POC5: variants seen among roughly 807,000 people sequenced by gnomAD.
POC5 encodes the protein centrosomal protein POC5.
Under a neutral mutation model 62.9 loss-of-function variants are expected in POC5, and 48 were observed. The ratio of observed to expected loss-of-function variants is 0.76; its 90% CI spans 0.61 to 0.97. POC5 has a LOEUF of 0.97. POC5 is among the 50% of genes least tolerant of loss of function. The pLI is 0.00. For synonymous variants in POC5, 236 were observed against 228.2 expected (o/e 1.03, Z -0.31); for missense variants, 696 against 679.5 (o/e 1.02, Z -0.27).
intron 10 of POC5, among the ~76,000 whole-genome samples, chr5:75,682,781 C>T (rs1246418959): frequency 6.6e-6 from 1 of 152,184 alleles, no homozygotes; most frequent in Non-Finnish European, 1.5e-5. Context: ...TCCCAGAGTG[C>T]TGGGATTACA....
chr5:75,674,526 T>G lies in POC5; in HGVS notation c.1637A>C (p.Glu546Ala). The part of the protein sequence containing the change: ...AAKYPRTIHP[E>A]SSTSASRSLG... The stretch of plus-strand genomic sequence containing the variant: ...TGATCTGGAAGCTGAGGTACTACTT[T>G]CAGGATGAATGGTCCGGGGATATTT... Residue 546 changes from glutamate to alanine, a missense_variant, in exon 12 of 12, where the codon GAA becomes GCA. By Grantham distance (107) the Glu-to-Ala change is moderately radical (BLOSUM62 -1). Transcript: ENST00000428202. The G allele has an allele frequency of 6.2e-7, 1 of 1,614,008 alleles. No individual in the cohort carries two copies.
chr5:75,704,135 T>TA (rs1777020678), intron 4 of POC5, among the ~76,000 whole-genome samples: 1 of 138,768 alleles, frequency 7.2e-6, no homozygotes, highest in Non-Finnish European at 1.5e-5. Flanking sequence ...GCCTGGGTGA[T>TA]AGAGCGAGAC....
chr5:75,702,454 A>G (rs1351757918), intron 5 of POC5, 151 bp downstream of exon 5: 4 of 739,256 alleles, frequency 5.4e-6, no homozygotes, highest in Non-Finnish European at 8.6e-6. Context: ...TACATTAAAG[A>G]TTGAGAAGCA....
At chr5:75,688,316 G>A (rs763413942) in intron 9 of POC5, among the ~76,000 whole-genome samples, 27 of 152,210 alleles carry the variant, frequency 1.8e-4, no homozygotes, top group Non-Finnish European at 3.2e-4. Context: ...CCCACAAGAA[G>A]CCCCTAGGAA....
chr5:75,699,794 G>C (rs1038156995), intron 5 of POC5, among the ~76,000 whole-genome samples: 3 of 140,436 alleles, frequency 2.1e-5, no homozygotes, highest in African/African-American at 5.1e-5. Context: ...GTTTGCAGAC[G>C]ACATGATTGT....
In POC5 at chr5:75,674,525, T is replaced by C. The variant is rs749302280; in HGVS notation, c.1638A>G (p.Glu546=). 6.2e-7 allele frequency: 1 copy of C among 1,614,010 alleles called. No homozygotes were observed. Among genetic ancestry groups the C allele is most frequent in the Non-Finnish European group, 8.5e-7 (1 of 1,179,866 alleles). The part of the protein sequence containing the change: ...AAKYPRTIHP[E]SSTSASRSLG... ...GTGATCTGGAAGCTGAGGTACTACT[T>C]TCAGGATGAATGGTCCGGGGATATT... Residue 546 remains glutamate (E), a synonymous_variant, in exon 12 of 12, where the codon GAA becomes GAG. Transcript: ENST00000428202.
At chr5:75,708,915 C>T (rs1425440078) in intron 2 of POC5, among the ~76,000 whole-genome samples, 2 of 152,136 alleles carry the variant, frequency 1.3e-5, no homozygotes, top group African/African-American at 2.4e-5. Context: ...TCACCGCAAC[C>T]TCTGCCTCCC....
intron 2 of POC5, among the ~76,000 whole-genome samples, 183 bp from the exon 3 acceptor site, chr5:75,708,058 A>G (rs564301901): frequency 6.6e-6 from 1 of 152,314 alleles, no homozygotes; most frequent in East Asian, 1.9e-4. Context: ...TTTTATATTT[A>G]TGATTAACAG....
chr5:75,711,132 T>C (rs1777328122), intron 2 of POC5, among the ~76,000 whole-genome samples: 1 of 152,250 alleles, frequency 6.6e-6, no homozygotes, highest in Non-Finnish European at 1.5e-5. Context: ...ATGACTATTT[T>C]AGAGTTTCAT....
Position 75,689,483 on chromosome 5 carries a change from G to T in POC5, c.976-318C>A, listed in dbSNP as rs1776229024. ...TTACTGTAAAACTTTTATGTAGGATGTTAAACAAAATACATTAAGAGCCAC... is the reference window on the plus strand; with the variant it reads ...TTACTGTAAAACTTTTATGTAGGATTTTAAACAAAATACATTAAGAGCCAC... On this transcript the variant is annotated intron_variant, in intron 8 of 11. Transcript: ENST00000428202. 3.1e-6 allele frequency: 3 copies of T among 983,546 alleles called. No homozygotes were observed. The African/African-American group carries it at 5.2e-5, about 17-fold the overall frequency. The allele number at this position is 983,546 out of a possible 1,614,324, so 60.9% of individuals were successfully genotyped here.
At chr5:75,714,145 T>A (rs972291537) in intron 1 of POC5, among the ~76,000 whole-genome samples, 1 of 152,228 alleles carries the variant, frequency 6.6e-6, no homozygotes. Flanking sequence ...TTTGGGAGGC[T>A]GAGGTAGGTG....
chr5:75,690,522 G>A lies in POC5; in HGVS notation c.836C>T (p.Thr279Ile), dbSNP rs754231095. 8 of 1,599,872 alleles carry A rather than the reference G, an allele frequency of 5.0e-6. No homozygotes were observed. Among genetic ancestry groups the A allele is most frequent in the Admixed American group, 1.7e-5 (1 of 58,150 alleles). Residue 279 changes from threonine to isoleucine, a missense_variant, in exon 8 of 12, where the codon ACT (threonine) becomes ATT (isoleucine). Transcript: ENST00000428202. ...GKLADQYYQR[T>I]LLKKVWKVWR... Reference sequence around the variant, plus strand: ...GACTTTCCAGACTTTCTTCAGTAAAGTTCTCTGGTAGTACTGGTCAGCTAG... The same window carrying A: ...GACTTTCCAGACTTTCTTCAGTAAAATTCTCTGGTAGTACTGGTCAGCTAG...
In POC5 at chr5:75,684,363, A is replaced by ATTTTT. The variant is rs749361349; in HGVS notation, c.1407+839_1407+843dup. On this transcript the variant is annotated intron_variant, in intron 10 of 11. Transcript: ENST00000428202. Reference sequence around the variant, plus strand: ...AAATTAAATCTACTTTTCCTACATAATTTTTTTTTTTTTTTTTTTGCGACG... The same window carrying ATTTTT: ...AAATTAAATCTACTTTTCCTACATAATTTTTTTTTTTTTTTTTTTTTTTTGCGACG... 2.2e-3 allele frequency among the ~76,000 whole-genome samples: 296 copies of ATTTTT among 132,688 alleles called. 4 individuals carry two copies. Among genetic ancestry groups the ATTTTT allele is most frequent in the Middle Eastern group, 7.9e-3 (2 of 252 alleles). The allele number at this position is 132,688 out of a possible 152,430, so 87.0% of individuals were successfully genotyped here.
chr5:75,694,996 C>A (rs550139129), intron 5 of POC5, among the ~76,000 whole-genome samples, 165 bp from the exon 6 acceptor site: 1 of 152,276 alleles, frequency 6.6e-6, no homozygotes, highest in South Asian at 2.1e-4. Flanking sequence ...GTTCAACAGT[C>A]ACAGGTCTGT....
chr5:75,694,805 T>A lies in POC5; in HGVS notation c.540A>T (p.Lys180Asn). 6.4e-7 allele frequency: 1 copy of A among 1,560,082 alleles called. No individual in the cohort carries two copies. The highest frequency in any genetic ancestry group is 8.8e-7 in the Non-Finnish European group (1 of 1,139,338). The change falls in exon 6 of 12, where the codon AAA becomes AAT. Residue 180 changes from lysine (K) to asparagine (N), a missense_variant. By Grantham distance (94) the Lys-to-Asn change is moderately conservative. Transcript: ENST00000428202. ...GCCAGTCAATAAAATTAAGTCTCCATTTACTTAGTTCAGATATGATGTTTG... is the reference window on the plus strand; with the variant it reads ...GCCAGTCAATAAAATTAAGTCTCCAATTACTTAGTTCAGATATGATGTTTG... ...LKTNIISELS[K>N]WRLNFIDWHR...
In POC5 at chr5:75,700,908, A is replaced by T. The variant is rs201702033; in HGVS notation, c.513+1697T>A. 7.2e-3 allele frequency among the ~76,000 whole-genome samples: 990 copies of T among 138,138 alleles called. 41 individuals carry two copies. The highest frequency in any genetic ancestry group is 0.024 in the East Asian group (117 of 4,950). 90.6% of individuals were successfully genotyped at this position (138,138 alleles called of 152,430 possible). A position where few individuals can be genotyped will look rare whatever the true frequency, so the allele number is the denominator to read the frequency against. The stretch of plus-strand genomic sequence containing the variant: ...AACAACCCCATCAAAAAGTGGGCAA[A>T]GGACATGAACAGACACTTCTCAAAA... On this transcript the variant is annotated intron_variant, in intron 5 of 11. Coordinates refer to ENST00000428202, the MANE Select transcript of POC5 (RefSeq NM_001099271.2).
At chr5:75,707,626 ATG>A in intron 3 of POC5, 109 bp downstream of exon 3, 1 of 854,216 alleles carries the variant, frequency 1.2e-6, no homozygotes, top group Non-Finnish European at 1.8e-6. Flanking sequence ...ATACACATAA[ATG>A]GTTGAGAAGA....
At chr5:75,702,541 A>C in intron 5 of POC5, 64 bp downstream of exon 5, 1 of 1,448,204 alleles carries the variant, frequency 6.9e-7, no homozygotes. Context: ...AAACAGTATA[A>C]ATGAGAGTAA....
intron 10 of POC5, among the ~76,000 whole-genome samples, chr5:75,683,250 T>C (rs893741110): frequency 6.6e-6 from 1 of 151,972 alleles, no homozygotes; most frequent in East Asian, 1.9e-4. Flanking sequence ...TTTTTTTTTT[T>C]TTTTGAGACA....
Sources: gnomAD v4.1 joint callset for allele counts (sites outside exome capture counted in the v4.1 genomes callset) on GRCh38, gnomAD v4.1.1 for gene constraint, MANE v1.5 for transcripts, NCBI Gene and HGNC (gene_info 2026-07-23, HGNC 2026-07-21) for gene names.